UNC13B: variants seen among roughly 807,000 people sequenced by gnomAD.
The protein encoded by UNC13B is unc-13 homolog B, also known as protein unc-13 homolog B.
Under a neutral mutation model 211.0 loss-of-function variants are expected in UNC13B, and 144 were observed. That is an observed-to-expected ratio of 0.68 (90% CI 0.60 to 0.78). The LOEUF is 0.78. UNC13B is among the 30% of genes least tolerant of loss of function. The pLI, the probability that UNC13B is intolerant of heterozygous loss-of-function variation, is 0.00. For missense variants in UNC13B, 1,777 were observed against 2,002.0 expected, an observed-to-expected ratio of 0.89 and a Z score of 2.14; for synonymous variants, 709 against 725.8, an observed-to-expected ratio of 0.98 and a Z score of 0.37.
intron 11 of UNC13B, among the ~76,000 whole-genome samples, chr9:35,337,817 A>G (rs568198785): frequency 6.6e-5 from 10 of 152,378 alleles, no homozygotes; most frequent in South Asian, 6.2e-4. Context: ...GGTTTGCCCT[A>G]TATCTTATTC....
intron 1 of UNC13B, among the ~76,000 whole-genome samples, chr9:35,201,029 A>G (rs1823252604): frequency 6.6e-6 from 1 of 152,116 alleles, no homozygotes; most frequent in Admixed American, 6.6e-5. Context: ...TAATTTATTG[A>G]GAGTTTTTAG....
At chr9:35,220,914 C>T (rs764721592) in intron 1 of UNC13B, among the ~76,000 whole-genome samples, 1 of 152,118 alleles carries the variant, frequency 6.6e-6, no homozygotes, top group Non-Finnish European at 1.5e-5. Context: ...TCTTTGCCAG[C>T]ATTTCTTATT....
chr9:35,379,080 A>G (rs185390512), intron 17 of UNC13B, among the ~76,000 whole-genome samples: 1 of 152,208 alleles, frequency 6.6e-6, no homozygotes, highest in Non-Finnish European at 1.5e-5. Context: ...GCCTAGGGTC[A>G]GGATTTTGGA....
At chr9:35,297,561 T>TTTTTTTTTTTTTTTTGTTTTTTG in intron 8 of UNC13B, among the ~76,000 whole-genome samples, 1 of 128,162 alleles carries the variant, frequency 7.8e-6, no homozygotes, top group African/African-American at 2.9e-5. Flanking sequence ...TTTTTTTTTT[T>TTTTTTTTTTTTTTTTGTTTTTTG]TTTTTTGAGA....
intron 1 of UNC13B, among the ~76,000 whole-genome samples, chr9:35,167,630 C>T (rs548392814): frequency 7.5e-6 from 1 of 133,064 alleles, no homozygotes; most frequent in East Asian, 2.1e-4. Flanking sequence ...CACTGTTGCT[C>T]AGGCTGGAGT....
At chr9:35,221,162 G>A (rs1253925720) in intron 1 of UNC13B, among the ~76,000 whole-genome samples, 14 of 152,088 alleles carry the variant, frequency 9.2e-5, no homozygotes, top group African/African-American at 2.9e-4. Flanking sequence ...TCTGCCTCCC[G>A]ATCTTAAGTG....
rs949773000 is a variant in UNC13B at position 35,308,118 on chromosome 9, C to T, written c.8714C>T (p.Ser2905Phe). 7.5e-6 allele frequency: 3 copies of T among 398,962 alleles called. No individual in the cohort carries two copies. Among genetic ancestry groups the T allele is most frequent in the African/African-American group, 6.2e-5 (3 of 48,626 alleles). The allele number at this position is 398,962 out of a possible 1,614,324, so 24.7% of individuals were successfully genotyped here. Reference sequence around the variant, plus strand: ...GTCTACACTCAGCCCTCTGGGACCTCTGAGCAGCTGGTGGCCAGTCCAGAG... The same window carrying T: ...GTCTACACTCAGCCCTCTGGGACCTTTGAGCAGCTGGTGGCCAGTCCAGAG... ...GKVYTQPSGT[S>F]EQLVASPEVC... The change falls in exon 9 of 40, where the codon TCT becomes TTT. Residue 2905 changes from serine (S) to phenylalanine (F), a missense_variant. Transcript: ENST00000635942.
chr9:35,278,485 C>T (rs1203077939), intron 7 of UNC13B, among the ~76,000 whole-genome samples: 2 of 152,176 alleles, frequency 1.3e-5, no homozygotes, highest in Non-Finnish European at 2.9e-5. Flanking sequence ...CAGCTGGCCT[C>T]CACTCTGCAG....
At chr9:35,245,978 G>C (rs1040500023) in intron 6 of UNC13B, among the ~76,000 whole-genome samples, 1 of 152,136 alleles carries the variant, frequency 6.6e-6, no homozygotes, top group Admixed American at 6.6e-5. Context: ...CAGTGTAAAA[G>C]TGTTCCTATT....
chr9:35,301,039 A>G lies in UNC13B; in HGVS notation c.1635A>G (p.Glu545=), dbSNP rs1193601693. 2.5e-6 allele frequency: 1 copy of G among 398,858 alleles called. No homozygotes were observed. The highest frequency in any genetic ancestry group is 4.4e-6 in the Non-Finnish European group (1 of 226,006). The allele number at this position is 398,858 out of a possible 1,614,324, so 24.7% of individuals were successfully genotyped here. Residue 545 remains glutamate (E), a synonymous_variant, in exon 9 of 40, where the codon GAA becomes GAG. Coordinates refer to ENST00000635942, the MANE Select transcript of UNC13B (RefSeq NM_001371189.2). ...GTTCTTTGTTTAGTTCACTCACAGA[A>G]AAAGTGGGTTCAGGCACAAAGCATC... The part of the protein sequence containing the change: ...AVGSLFSSLT[E]KVGSGTKHLT...
At chr9:35,354,699 T>C (rs1327692185) in intron 11 of UNC13B, among the ~76,000 whole-genome samples, 1 of 152,240 alleles carries the variant, frequency 6.6e-6, no homozygotes, top group African/African-American at 2.4e-5. Context: ...CTTATGCATA[T>C]AACCTGATTA....
intron 11 of UNC13B, chr9:35,364,466 A>AT (rs1833640093): frequency 6.7e-7 from 1 of 1,481,510 alleles, no homozygotes; most frequent in Non-Finnish European, 9.1e-7. Flanking sequence ...TTTAGCTGGC[A>AT]TTTTCTTTGG....
chr9:35,366,388 G>A (rs1241303378), intron 11 of UNC13B, among the ~76,000 whole-genome samples: 2 of 152,122 alleles, frequency 1.3e-5, no homozygotes, highest in South Asian at 2.1e-4. Flanking sequence ...AATCTACCCT[G>A]GGTTCTCTTG....
chr9:35,288,149 A>G (rs1042066494), intron 7 of UNC13B, among the ~76,000 whole-genome samples: 7 of 152,090 alleles, frequency 4.6e-5, no homozygotes, highest in African/African-American at 1.7e-4. Flanking sequence ...AGATGAGTGC[A>G]CCATTCTCCT....
intron 5 of UNC13B, among the ~76,000 whole-genome samples, chr9:35,241,200 C>A (rs1251958780): frequency 6.6e-6 from 1 of 152,066 alleles, no homozygotes; most frequent in African/African-American, 2.4e-5. Flanking sequence ...TATTATTCCC[C>A]ACTTTAGAGA....
chr9:35,346,877 C>T (rs556451639), intron 11 of UNC13B, among the ~76,000 whole-genome samples: 1 of 152,204 alleles, frequency 6.6e-6, no homozygotes, highest in Admixed American at 6.5e-5. Context: ...CTGGGCCTCT[C>T]ACCTCCTTTC....
At chr9:35,224,713 C>A (rs991598891) in intron 1 of UNC13B, among the ~76,000 whole-genome samples, 1 of 151,950 alleles carries the variant, frequency 6.6e-6, no homozygotes, top group African/African-American at 2.4e-5. Context: ...CTAAGCCAGA[C>A]AATGGCAGAA....
At chr9:35,383,745 AC>A (rs1183454692) in intron 21 of UNC13B, among the ~76,000 whole-genome samples, 1 of 151,812 alleles carries the variant, frequency 6.6e-6, no homozygotes, top group Non-Finnish European at 1.5e-5. Context: ...TTAAAGAGAG[AC>A]CCCTTCCTGC....
chr9:35,341,204 C>T (rs887037905), intron 11 of UNC13B, among the ~76,000 whole-genome samples: 2 of 152,190 alleles, frequency 1.3e-5, no homozygotes, highest in Non-Finnish European at 2.9e-5. Flanking sequence ...TTCTGCAATA[C>T]AGAGTTCATC....
Sources: gnomAD v4.1 joint callset for allele counts (sites outside exome capture counted in the v4.1 genomes callset) on GRCh38, gnomAD v4.1.1 for gene constraint, MANE v1.5 for transcripts, NCBI Gene and HGNC (gene_info 2026-07-23, HGNC 2026-07-21) for gene names.